The following BCAS4 variants were observed in gnomAD, a reference collection of about 807,000 sequenced individuals.
The protein encoded by BCAS4 is breast carcinoma amplified sequence 4.
BCAS4 carries 9 observed loss-of-function variants against 15.7 expected under a neutral mutation model. That is an observed-to-expected ratio of 0.57 (90% CI 0.34 to 1.00). BCAS4 has a LOEUF of 1.00. BCAS4 is among the 50% of genes least tolerant of loss of function. BCAS4 has a pLI of 0.02. For synonymous variants in BCAS4, 101 were observed against 99.5 expected (o/e 1.02, Z -0.09); for missense variants, 225 against 239.1 (o/e 0.94, Z 0.39).
chr20:50,863,842 C>G (rs6096132), intron 4 of BCAS4, among the ~76,000 whole-genome samples: 2,842 of 152,242 alleles, frequency 0.019, 81 homozygotes, highest in African/African-American at 0.065. Flanking sequence ...GGCCACTGGG[C>G]ACAGCTGTTG....
intron 1 of BCAS4, among the ~76,000 whole-genome samples, chr20:50,801,463 C>A (rs2087925913): frequency 6.6e-6 from 1 of 152,084 alleles, no homozygotes; most frequent in South Asian, 2.1e-4. Context: ...TAGGGGGACT[C>A]CAGGGTATGG....
chr20:50,812,385 T>C (rs1354373163), intron 1 of BCAS4, among the ~76,000 whole-genome samples: 3 of 151,548 alleles, frequency 2.0e-5, no homozygotes, highest in African/African-American at 7.3e-5. Flanking sequence ...CGCCCCCCCT[T>C]GGCCTCCCAA....
At chr20:50,795,446 C>A (rs2087842767) in intron 1 of BCAS4, among the ~76,000 whole-genome samples, 1 of 152,186 alleles carries the variant, frequency 6.6e-6, no homozygotes, top group South Asian at 2.1e-4. Flanking sequence ...TCAGGCGCCG[C>A]CCTTTGCCAG....
intron 4 of BCAS4, among the ~76,000 whole-genome samples, chr20:50,858,520 T>G (rs1460292171): frequency 6.6e-6 from 1 of 152,066 alleles, no homozygotes; most frequent in African/African-American, 2.4e-5. Context: ...GAGAATCACT[T>G]GAAACCAAGA....
At chr20:50,845,571 CT>C (rs1283116464) in intron 4 of BCAS4, among the ~76,000 whole-genome samples, 1 of 152,170 alleles carries the variant, frequency 6.6e-6, no homozygotes, top group Non-Finnish European at 1.5e-5. Flanking sequence ...GCTCGGAGAG[CT>C]TTGGTTTCTC....
Position 50,851,217 on chromosome 20 carries a change from C to T in BCAS4, c.399+9317C>T, listed in dbSNP as rs999093138. ...GAGGAAATTGTGAGGCGCCTTCTCCCGGCCCTGAACCAGCCACTGCTTCTC... is the reference window on the plus strand; with the variant it reads ...GAGGAAATTGTGAGGCGCCTTCTCCTGGCCCTGAACCAGCCACTGCTTCTC... On this transcript the variant is annotated intron_variant, in intron 4 of 4. Transcript: ENST00000371608. The surrounding 1 kb of genome is among the most constrained non-coding windows in gnomAD (Gnocchi z 4.3). 9.9e-5 allele frequency among the ~76,000 whole-genome samples: 15 copies of T among 152,278 alleles called. No homozygotes were observed. Among genetic ancestry groups the T allele is most frequent in the African/African-American group, 2.6e-4 (11 of 41,544 alleles).
At chr20:50,795,525 G>A (rs1419510657) in intron 1 of BCAS4, among the ~76,000 whole-genome samples, 1 of 152,166 alleles carries the variant, frequency 6.6e-6, no homozygotes, top group African/African-American at 2.4e-5. Context: ...TGCCCGGGCC[G>A]AGCGGCGCCT....
chr20:50,836,304 T>G (rs1188439996), intron 3 of BCAS4, among the ~76,000 whole-genome samples: 1 of 152,148 alleles, frequency 6.6e-6, no homozygotes, highest in African/African-American at 2.4e-5. Flanking sequence ...ATGGGGCAGG[T>G]GGACTCCAGA....
chr20:50,871,423 T>G (rs1979640399), intron 4 of BCAS4, among the ~76,000 whole-genome samples: 2 of 152,202 alleles, frequency 1.3e-5, no homozygotes, highest in South Asian at 4.1e-4. Flanking sequence ...GGCATCTGGT[T>G]GTTTTCAGCC....
At chr20:50,863,947 G>A (rs1011118519) in intron 4 of BCAS4, among the ~76,000 whole-genome samples, 1 of 152,198 alleles carries the variant, frequency 6.6e-6, no homozygotes, top group East Asian at 1.9e-4. Context: ...CTGCTCATGT[G>A]CCCCCCCAAA....
intron 4 of BCAS4, among the ~76,000 whole-genome samples, chr20:50,847,805 G>A (rs2088564366): frequency 1.3e-5 from 2 of 152,180 alleles, no homozygotes; most frequent in Non-Finnish European, 2.9e-5. Context: ...CACTTTGGGA[G>A]GCCTAGGTGG....
chr20:50,809,319 C>T (rs1376847320), intron 1 of BCAS4, among the ~76,000 whole-genome samples: 7 of 152,088 alleles, frequency 4.6e-5, no homozygotes, highest in Non-Finnish European at 1.0e-4. Context: ...AAGCAATTCT[C>T]CTGCCTCAGT....
At chr20:50,830,781 T>C (rs1271667046) in intron 3 of BCAS4, among the ~76,000 whole-genome samples, 1 of 152,068 alleles carries the variant, frequency 6.6e-6, no homozygotes, top group Non-Finnish European at 1.5e-5. Flanking sequence ...GTCCAGGAGG[T>C]CATGGCTACT....
chr20:50,801,896 T>TGAGGGACCGGGAGGTGCCTGAGTG (rs2087931621), intron 1 of BCAS4, among the ~76,000 whole-genome samples: 1 of 151,534 alleles, frequency 6.6e-6, no homozygotes, highest in African/African-American at 2.4e-5. Context: ...AGGGGAAAGA[T>TGAGGGACCGGGAGGTGCCTGAGTG]GAGGGACCGG....
chr20:50,804,020 A>C (rs930238347), intron 1 of BCAS4, among the ~76,000 whole-genome samples: 1 of 152,022 alleles, frequency 6.6e-6, no homozygotes, highest in Admixed American at 6.6e-5. Flanking sequence ...CATGAAGCAG[A>C]GCGTGTGGGC....
At chr20:50,797,041 T>C (rs1056479845) in intron 1 of BCAS4, among the ~76,000 whole-genome samples, 1 of 152,082 alleles carries the variant, frequency 6.6e-6, no homozygotes, top group African/African-American at 2.4e-5. Flanking sequence ...TCTCACTATG[T>C]TGCCCAGGCG....
chr20:50,843,841 C>T (rs73615344), intron 4 of BCAS4, among the ~76,000 whole-genome samples: 11,983 of 152,240 alleles, frequency 0.079, 478 homozygotes, highest in Admixed American at 0.13. Flanking sequence ...TTCCCACTGA[C>T]GGCTTTAAAA....
intron 4 of BCAS4, among the ~76,000 whole-genome samples, chr20:50,846,951 C>T (rs963645805): frequency 6.6e-6 from 1 of 151,874 alleles, no homozygotes; most frequent in African/African-American, 2.4e-5. Context: ...AAAATTAAGC[C>T]TCAGAGAGTC....
At chr20:50,841,994 AG>A in intron 4 of BCAS4, 94 bp downstream of exon 4, 1 of 1,407,964 alleles carries the variant, frequency 7.1e-7, no homozygotes, top group Non-Finnish European at 9.4e-7. Context: ...AGCAGAGTTC[AG>A]GGGGGCACAT....
Sources: allele counts gnomAD v4.1 joint callset (sites outside exome capture counted in the v4.1 genomes callset), GRCh38; gene constraint gnomAD v4.1.1; non-coding constraint Gnocchi (gnomAD v3.1); transcripts MANE v1.5; gene names NCBI Gene and HGNC (gene_info 2026-07-23, HGNC 2026-07-21).